Variants in SLCO3A1 observed in about 807,000 individuals in gnomAD.
The protein encoded by SLCO3A1 is PGE1 transporter.
In SLCO3A1, 27 loss-of-function variants were observed where a neutral mutation model predicts 63.1. The observed-to-expected ratio is 0.43, with a 90% CI of 0.32 to 0.59. The LOEUF is 0.59. SLCO3A1 is among the 20% of genes least tolerant of loss of function. SLCO3A1 has a pLI of 0.09. For missense variants in SLCO3A1, 773 were observed against 945.8 expected (o/e 0.82, Z 2.40); for synonymous variants, 473 against 409.9 (o/e 1.15, Z -1.86).
intron 2 of SLCO3A1, among the ~76,000 whole-genome samples, chr15:91,962,658 C>G (rs781270563): frequency 6.6e-6 from 1 of 151,758 alleles, no homozygotes; most frequent in Non-Finnish European, 1.5e-5. Context: ...CTAAGCCCAA[C>G]GGAGAGCCCA....
rs537389091 is a variant in SLCO3A1, at chr15:92,087,141, C to T, written c.647-7740C>T. 1.4e-3 allele frequency among the ~76,000 whole-genome samples: 219 copies of T among 152,148 alleles called. 1 individual carries two copies. Among genetic ancestry groups the T allele is most frequent in the African/African-American group, 5.0e-3 (206 of 41,502 alleles). The stretch of plus-strand genomic sequence containing the variant: ...TTTGCACGTGTTGTGAGGTGAGGCT[C>T]ATTCCCCCACCACCCCCCTCCCTCC... On this transcript the variant is annotated intron_variant, in intron 2 of 9. Coordinates refer to ENST00000318445, the MANE Select transcript of SLCO3A1 (RefSeq NM_013272.4).
chr15:92,053,315 T>G (rs1416947334), intron 2 of SLCO3A1, among the ~76,000 whole-genome samples: 1 of 152,118 alleles, frequency 6.6e-6, no homozygotes, highest in Non-Finnish European at 1.5e-5. Flanking sequence ...GACAATAGAT[T>G]TACAGAAGAG....
chr15:91,945,337 A>G lies in SLCO3A1; in HGVS notation c.646+28879A>G, dbSNP rs368765863. Among the ~76,000 whole-genome samples the G allele has an allele frequency of 3.1e-3, 241 of 78,368 alleles. 1 individual carries two copies. Among genetic ancestry groups the G allele is most frequent in the African/African-American group, 0.012 (234 of 18,968 alleles). 51.4% of individuals were successfully genotyped at this position (78,368 alleles called of 152,430 possible). ...AACCTGGGAGACAGAGTGAGACTCCATCTCAAAAAAAAAAAAAAAATTACG... is the reference window on the plus strand; with the variant it reads ...AACCTGGGAGACAGAGTGAGACTCCGTCTCAAAAAAAAAAAAAAAATTACG... On this transcript the variant is annotated intron_variant, in intron 2 of 9. Transcript: ENST00000318445.
chr15:91,980,403 G>A (rs1326161770), intron 2 of SLCO3A1, among the ~76,000 whole-genome samples: 1 of 150,194 alleles, frequency 6.7e-6, no homozygotes, highest in Non-Finnish European at 1.5e-5. Flanking sequence ...AAGAGTTTGG[G>A]GGCTGGGAAA....
At chr15:92,051,061 C>A (rs148715055) in intron 2 of SLCO3A1, among the ~76,000 whole-genome samples, 2 of 152,348 alleles carry the variant, frequency 1.3e-5, no homozygotes, top group African/African-American at 4.8e-5. Context: ...CTGTCACATA[C>A]ACCTGTTGTG....
intron 2 of SLCO3A1, among the ~76,000 whole-genome samples, chr15:91,979,594 G>A (rs1037028931): frequency 7.9e-5 from 12 of 152,160 alleles, no homozygotes; most frequent in Non-Finnish European, 1.0e-4. Flanking sequence ...TGGCACTGCC[G>A]TGTAGAAGTA....
rs1232008191 is a variant in SLCO3A1 at position 91,916,112 on chromosome 15, G to C, written c.300G>C (p.Gly100=). ...TCATCCTCTTCGTGAGCTACTTCGG[G>C]GCACGCGGGCACCGGCCGCGCCTGA... ...LALILFVSYF[G]ARGHRPRLIG... Residue 100 remains glycine (G), a synonymous_variant, in exon 2 of 10, where the codon GGG becomes GGC. Coordinates refer to ENST00000318445, the MANE Select transcript of SLCO3A1 (RefSeq NM_013272.4). This position sits in a 1 kb window ranked among gnomAD's most constrained non-coding sequence, Gnocchi z 6.2. 1 of 1,611,630 alleles carries C rather than the reference G, an allele frequency of 6.2e-7. No individual in the cohort carries two copies. The highest frequency in any genetic ancestry group is 8.5e-7 in the Non-Finnish European group (1 of 1,179,634).
intron 1 of SLCO3A1, among the ~76,000 whole-genome samples, chr15:91,909,080 A>G (rs1898403246): frequency 6.6e-6 from 1 of 151,512 alleles, no homozygotes; most frequent in African/African-American, 2.4e-5. Context: ...AAAACAAAAC[A>G]AACAAACAAA....
Position 91,897,420 on chromosome 15 carries a change from C to T in SLCO3A1, c.181-18573C>T, listed in dbSNP as rs561092376. Reference sequence around the variant, plus strand: ...GAGCCAAGATTGTGCCACTGCACTCCAGCCTGGGCAATGGAGCGAGACTCT... The same window carrying T: ...GAGCCAAGATTGTGCCACTGCACTCTAGCCTGGGCAATGGAGCGAGACTCT... On this transcript the variant is annotated intron_variant, in intron 1 of 9. Coordinates refer to ENST00000318445, the MANE Select transcript of SLCO3A1 (RefSeq NM_013272.4). This position sits in a 1 kb window ranked among gnomAD's most constrained non-coding sequence, Gnocchi z 4.7. Among the ~76,000 whole-genome samples, 15 of 152,296 alleles carry T rather than the reference C, an allele frequency of 9.8e-5. No individual in the cohort carries two copies. The highest frequency in any genetic ancestry group is 2.2e-4 in the Non-Finnish European group (15 of 68,036).
intron 2 of SLCO3A1, among the ~76,000 whole-genome samples, chr15:92,011,822 G>A (rs868608520): frequency 2.0e-5 from 3 of 152,260 alleles, no homozygotes; most frequent in Admixed American, 6.5e-5. Flanking sequence ...AACGGCAGTG[G>A]CTAGCAGCCC....
chr15:91,999,413 T>TG lies in SLCO3A1; in HGVS notation c.646+82956dup, dbSNP rs553434471. On this transcript the variant is annotated intron_variant, in intron 2 of 9. Coordinates refer to ENST00000318445, the MANE Select transcript of SLCO3A1 (RefSeq NM_013272.4). ...TTCCTAAAAATTAGAAAAAAGGCTATGCCATAGAAAAATGGGTATAAAATA... is the reference window on the plus strand; with the variant it reads ...TTCCTAAAAATTAGAAAAAAGGCTATGGCCATAGAAAAATGGGTATAAAATA... Among the ~76,000 whole-genome samples, 214 of 152,240 alleles carry TG rather than the reference T, an allele frequency of 1.4e-3. 1 individual carries two copies. Among genetic ancestry groups the TG allele is most frequent in the African/African-American group, 5.1e-3 (211 of 41,536 alleles).
At chr15:91,902,294 T>C (rs1898179651) in intron 1 of SLCO3A1, among the ~76,000 whole-genome samples, 1 of 152,084 alleles carries the variant, frequency 6.6e-6, no homozygotes, top group Non-Finnish European at 1.5e-5. Flanking sequence ...ACTCCTAGGC[T>C]CAAGTGATTC....
intron 1 of SLCO3A1, among the ~76,000 whole-genome samples, chr15:91,870,849 A>G (rs1339857378): frequency 6.7e-6 from 1 of 150,194 alleles, no homozygotes; most frequent in Non-Finnish European, 1.5e-5. Flanking sequence ...TTAGTTTTCA[A>G]CGTATTTCTT....
At chr15:92,079,591 C>G (rs2047318426) in intron 2 of SLCO3A1, among the ~76,000 whole-genome samples, 1 of 152,254 alleles carries the variant, frequency 6.6e-6, no homozygotes, top group Non-Finnish European at 1.5e-5. Context: ...ATGTAATAAT[C>G]TCTTTAAAAG....
In SLCO3A1 at chr15:91,941,297, G is replaced by A. The variant is rs574881676; in HGVS notation, c.646+24839G>A. The A allele has an allele frequency of 1.5e-4, 40 of 265,190 alleles. No individual in the cohort carries two copies. Among genetic ancestry groups the A allele is most frequent in the African/African-American group, 8.4e-4 (37 of 44,272 alleles). The allele number at this position is 265,190 out of a possible 1,614,324, so 16.4% of individuals were successfully genotyped here. Reference sequence around the variant, plus strand: ...TGTTGGGGCAGGGCGGGGCTCGGCTGGGGGGTGGGAGAGAGACACTGAATC... The same window carrying A: ...TGTTGGGGCAGGGCGGGGCTCGGCTAGGGGGTGGGAGAGAGACACTGAATC... On this transcript the variant is annotated intron_variant, in intron 2 of 9. Coordinates refer to ENST00000318445, the MANE Select transcript of SLCO3A1 (RefSeq NM_013272.4). This position sits in a 1 kb window ranked among gnomAD's most constrained non-coding sequence, Gnocchi z 4.4.
At chr15:92,012,964 C>T (rs771985987) in intron 2 of SLCO3A1, among the ~76,000 whole-genome samples, 3 of 152,206 alleles carry the variant, frequency 2.0e-5, no homozygotes, top group Non-Finnish European at 4.4e-5. Flanking sequence ...TGGATCAAAG[C>T]TCTCACAGCC....
intron 7 of SLCO3A1, among the ~76,000 whole-genome samples, chr15:92,146,660 A>G (rs569333349): frequency 9.8e-5 from 15 of 152,382 alleles, no homozygotes; most frequent in Admixed American, 7.2e-4. Context: ...GCAACGTTTT[A>G]TCATATTGTG....
chr15:91,894,174 A>C lies in SLCO3A1; in HGVS notation c.181-21819A>C, dbSNP rs773362662. On this transcript the variant is annotated intron_variant, in intron 1 of 9. Transcript: ENST00000318445. This position sits in a 1 kb window ranked among gnomAD's most constrained non-coding sequence, Gnocchi z 4.8. The stretch of plus-strand genomic sequence containing the variant: ...TGATCTGTTTGCAGAACAGCAAGGC[A>C]ACTGGTGTGGTTTGAATGGTAAACA... Among the ~76,000 whole-genome samples, 10 of 152,070 alleles carry C rather than the reference A, an allele frequency of 6.6e-5. No homozygotes were observed. Among genetic ancestry groups the C allele is most frequent in the Non-Finnish European group, 1.0e-4 (7 of 68,006 alleles).
At chr15:92,080,010 C>T (rs1014086350) in intron 2 of SLCO3A1, among the ~76,000 whole-genome samples, 3 of 152,246 alleles carry the variant, frequency 2.0e-5, no homozygotes, top group Admixed American at 6.5e-5. Flanking sequence ...TTCCGGCCTG[C>T]GGCTAGCCAG....
Sources: gnomAD v4.1 joint callset for allele counts (sites outside exome capture counted in the v4.1 genomes callset) on GRCh38, gnomAD v4.1.1 for gene constraint, Gnocchi (gnomAD v3.1) non-coding constraint, MANE v1.5 for transcripts, NCBI Gene and HGNC (gene_info 2026-07-23, HGNC 2026-07-21) for gene names.